The following TSPAN18 variants were observed in gnomAD, a reference collection of about 807,000 sequenced individuals.
The protein encoded by TSPAN18 is tetraspanin-18.
A neutral mutation model predicts 27.3 loss-of-function variants in TSPAN18; 14 were observed. That is an observed-to-expected ratio of 0.51 (90% CI 0.34 to 0.80). The LOEUF (loss-of-function observed/expected upper bound fraction) is 0.80. Ranked by LOEUF, TSPAN18 falls within the 30% of genes least tolerant of loss-of-function variation. The pLI is 0.01. For missense variants in TSPAN18, 268 were observed against 323.9 expected, an observed-to-expected ratio of 0.83 and a Z score of 1.32; for synonymous variants, 143 against 136.5, an observed-to-expected ratio of 1.05 and a Z score of -0.33.
In TSPAN18 at chr11:44,926,704, G is replaced by A. The variant is rs754511785; in HGVS notation, c.646G>A (p.Glu216Lys). Residue 216 changes from glutamate (E) to lysine (K), a missense_variant, in exon 9 of 10, where the codon GAG becomes AAG. Coordinates refer to ENST00000520358, the MANE Select transcript of TSPAN18 (RefSeq NM_130783.5). Reference protein sequence around the residue: ...GCYTVILNTFETYVYLAGALA... With the variant: ...GCYTVILNTFKTYVYLAGALA... ...TTACACGGTGATCCTCAACACCTTC[G>A]AGACCTACGTCTACTTGGCCGGAGC... The A allele has an allele frequency of 1.6e-5, 26 of 1,613,996 alleles. No homozygotes were observed. Among genetic ancestry groups the A allele is most frequent in the Admixed American group, 3.3e-5 (2 of 60,000 alleles).
intron 2 of TSPAN18, among the ~76,000 whole-genome samples, chr11:44,835,911 C>G (rs1381445739): frequency 1.3e-5 from 2 of 152,176 alleles, no homozygotes; most frequent in African/African-American, 4.8e-5. Flanking sequence ...GGGGACATCA[C>G]AAGCTGCACC....
At chr11:44,847,416 G>A (rs7119021) in intron 2 of TSPAN18, among the ~76,000 whole-genome samples, 2,980 of 152,308 alleles carry the variant, frequency 0.02, 46 homozygotes, top group Middle Eastern at 0.078. Context: ...ATCTTAAAGT[G>A]TGCAATTCAC....
intron 2 of TSPAN18, among the ~76,000 whole-genome samples, chr11:44,831,006 G>C (rs1030196119): frequency 6.6e-6 from 1 of 152,096 alleles, no homozygotes; most frequent in Non-Finnish European, 1.5e-5. Flanking sequence ...CCAGCTACTC[G>C]GGAGGCTGAG....
At chr11:44,808,145 T>A (rs1856640799) in intron 2 of TSPAN18, among the ~76,000 whole-genome samples, 1 of 152,196 alleles carries the variant, frequency 6.6e-6, no homozygotes, top group African/African-American at 2.4e-5. Context: ...TTCACATGAA[T>A]ATTCATTGTT....
At position 44,783,922 on chromosome 11, in the gene TSPAN18, C is replaced by T. The variant is rs1366680264; in HGVS notation, c.-153+19410C>T. ...GTTCACAAAGCTCCCTCACCCCTCT[C>T]GTCTCAGGGCTCAGCTTCAATGTTT... On this transcript the variant is annotated intron_variant, in intron 2 of 9. Coordinates refer to ENST00000520358, the MANE Select transcript of TSPAN18 (RefSeq NM_130783.5). 3.3e-5 allele frequency among the ~76,000 whole-genome samples: 5 copies of T among 152,278 alleles called. No homozygotes were observed. In the South Asian group the frequency reaches 1.0e-3, roughly 32 times the overall value.
At chr11:44,859,333 T>C (rs1015916969) in intron 2 of TSPAN18, among the ~76,000 whole-genome samples, 1 of 152,236 alleles carries the variant, frequency 6.6e-6, no homozygotes, top group Non-Finnish European at 1.5e-5. Flanking sequence ...CGTCACCTCC[T>C]TAACATTTAT....
intron 1 of TSPAN18, among the ~76,000 whole-genome samples, chr11:44,743,737 G>C (rs754236838): frequency 6.6e-6 from 1 of 152,188 alleles, no homozygotes; most frequent in African/African-American, 2.4e-5. Flanking sequence ...TGTGTTGCTG[G>C]AGTCCTGCCT....
intron 2 of TSPAN18, among the ~76,000 whole-genome samples, chr11:44,800,094 T>A (rs1374094327): frequency 6.8e-6 from 1 of 146,228 alleles, no homozygotes; most frequent in Non-Finnish European, 1.5e-5. Context: ...TGACCTCAGG[T>A]AATCCACCTG....
chr11:44,905,881 T>A (rs915939506), intron 3 of TSPAN18, among the ~76,000 whole-genome samples: 41 of 152,246 alleles, frequency 2.7e-4, no homozygotes, highest in African/African-American at 9.6e-4. Flanking sequence ...CAACACCCCA[T>A]CTCGCTGGCA....
chr11:44,927,023 C>G (rs1202083429), intron 9 of TSPAN18, among the ~76,000 whole-genome samples: 1 of 152,202 alleles, frequency 6.6e-6, no homozygotes, highest in Non-Finnish European at 1.5e-5. Flanking sequence ...TCTCACTCTT[C>G]CATCCTCATC....
intron 3 of TSPAN18, among the ~76,000 whole-genome samples, chr11:44,882,344 C>T (rs140517881): frequency 5.7e-4 from 86 of 152,182 alleles, no homozygotes; most frequent in African/African-American, 1.9e-3. Context: ...TCCCTGAGGC[C>T]CCTGCTCCCA....
intron 3 of TSPAN18, among the ~76,000 whole-genome samples, chr11:44,868,017 C>G (rs1166939531): frequency 6.6e-6 from 1 of 152,180 alleles, no homozygotes; most frequent in South Asian, 2.1e-4. Context: ...TGAGGGTGAA[C>G]AGACTCAGTT....
intron 3 of TSPAN18, among the ~76,000 whole-genome samples, chr11:44,890,244 T>C (rs532133871): frequency 6.6e-6 from 1 of 152,352 alleles, no homozygotes; most frequent in East Asian, 1.9e-4. Context: ...GGTCCATGTA[T>C]TCCATAGAAC....
chr11:44,892,557 C>T (rs1202615468), intron 3 of TSPAN18, among the ~76,000 whole-genome samples: 1 of 152,220 alleles, frequency 6.6e-6, no homozygotes. Flanking sequence ...GAGCTTTGTC[C>T]GCAGAGGCCT....
chr11:44,742,843 G>A (rs796741541), intron 1 of TSPAN18, among the ~76,000 whole-genome samples: 1 of 152,356 alleles, frequency 6.6e-6, no homozygotes, highest in East Asian at 1.9e-4. Flanking sequence ...CATTGACAGA[G>A]ACCCTTTCTT....
chr11:44,913,499 G>A (rs953157504), intron 5 of TSPAN18, among the ~76,000 whole-genome samples: 1 of 151,932 alleles, frequency 6.6e-6, no homozygotes, highest in African/African-American at 2.4e-5. Flanking sequence ...ATTTTTTTAA[G>A]CCAACTTATT....
chr11:44,840,179 G>C (rs1345350368), intron 2 of TSPAN18, among the ~76,000 whole-genome samples: 2 of 152,210 alleles, frequency 1.3e-5, no homozygotes, highest in African/African-American at 4.8e-5. Flanking sequence ...ATGAAAAGGG[G>C]CTGATCATGC....
At chr11:44,884,272 G>T (rs1011294417) in intron 3 of TSPAN18, among the ~76,000 whole-genome samples, 1 of 152,124 alleles carries the variant, frequency 6.6e-6, no homozygotes, top group African/African-American at 2.4e-5. Flanking sequence ...CCAGAGACGG[G>T]GCCAAGGTCC....
intron 2 of TSPAN18, among the ~76,000 whole-genome samples, chr11:44,819,032 TTTC>T (rs1334476410): frequency 6.6e-6 from 1 of 152,172 alleles, no homozygotes; most frequent in Non-Finnish European, 1.5e-5. Context: ...CAGGTCCCAG[TTTC>T]ATGGATTGTT....
Sources: gnomAD v4.1 joint callset for allele counts (sites outside exome capture counted in the v4.1 genomes callset) on GRCh38, gnomAD v4.1.1 for gene constraint, MANE v1.5 for transcripts, NCBI Gene and HGNC (gene_info 2026-07-23, HGNC 2026-07-21) for gene names.